The following ENOX1 variants were observed in gnomAD, a reference collection of about 807,000 sequenced individuals.
ENOX1 encodes candidate growth-related and time keeping constitutive hydroquinone (NADH) oxidase.
Under a neutral mutation model 82.5 loss-of-function variants are expected in ENOX1, and 42 were observed. That is an observed-to-expected ratio of 0.51 (90% CI 0.40 to 0.66). ENOX1 has a LOEUF of 0.66. Ranked by LOEUF, ENOX1 falls within the 30% of genes least tolerant of loss-of-function variation. The pLI is 0.00. For missense variants in ENOX1, 608 were observed against 811.6 expected (o/e 0.75, Z 3.05); for synonymous variants, 271 against 282.2 (o/e 0.96, Z 0.40).
intron 12 of ENOX1, among the ~76,000 whole-genome samples, chr13:43,288,240 G>A (rs541398258): frequency 4.4e-4 from 67 of 152,314 alleles, no homozygotes; most frequent in South Asian, 1.9e-3. Flanking sequence ...TTTTAAAGCC[G>A]TGTAATCTGA....
At chr13:43,722,139 T>C (rs1165016940) in intron 1 of ENOX1, among the ~76,000 whole-genome samples, 1 of 152,224 alleles carries the variant, frequency 6.6e-6, no homozygotes, top group East Asian at 1.9e-4. Context: ...GTGTTCTTTT[T>C]TGCAAAATAG....
intron 3 of ENOX1, among the ~76,000 whole-genome samples, chr13:43,475,788 A>C (rs1593391103): frequency 9.6e-6 from 1 of 104,466 alleles, no homozygotes; most frequent in African/African-American, 3.6e-5. Flanking sequence ...CAAAAACATA[A>C]CTGACCAAAA....
At chr13:43,740,070 G>A (rs1476069036) in intron 1 of ENOX1, among the ~76,000 whole-genome samples, 1 of 152,048 alleles carries the variant, frequency 6.6e-6, no homozygotes, top group Non-Finnish European at 1.5e-5. Flanking sequence ...CAAGTGGTCG[G>A]TGCCCCTAAC....
At chr13:43,597,403 TCTGA>T (rs1450728100) in intron 2 of ENOX1, among the ~76,000 whole-genome samples, 1 of 152,084 alleles carries the variant, frequency 6.6e-6, no homozygotes, top group Admixed American at 6.6e-5. Context: ...AAACATCAGG[TCTGA>T]CTGACTTCTA....
At chr13:43,318,393 C>G (rs113322715) in intron 11 of ENOX1, among the ~76,000 whole-genome samples, 2 of 152,240 alleles carry the variant, frequency 1.3e-5, no homozygotes, top group African/African-American at 4.8e-5. Context: ...GAACTGGGTA[C>G]CCTGTATCTA....
chr13:43,431,798 G>C (rs2153614038), intron 3 of ENOX1, among the ~76,000 whole-genome samples: 1 of 152,066 alleles, frequency 6.6e-6, no homozygotes, highest in South Asian at 2.1e-4. Flanking sequence ...ACATTGGAGG[G>C]ATCTCCCCTC....
At chr13:43,234,835 T>C (rs1241076043) in intron 15 of ENOX1, among the ~76,000 whole-genome samples, 1 of 152,224 alleles carries the variant, frequency 6.6e-6, no homozygotes, top group East Asian at 1.9e-4. Context: ...TATACATATA[T>C]AAATAAAACC....
intron 2 of ENOX1, among the ~76,000 whole-genome samples, chr13:43,659,846 G>C (rs528894646): frequency 1.3e-5 from 2 of 152,304 alleles, no homozygotes; most frequent in African/African-American, 4.8e-5. Context: ...GCAGAGAACA[G>C]AAGGTATTGT....
Position 43,262,119 on chromosome 13 carries a change from C to T in ENOX1, c.1611+3279G>A, listed in dbSNP as rs568864362. Among the ~76,000 whole-genome samples the T allele has an allele frequency of 3.9e-5, 6 of 152,206 alleles. No individual in the cohort carries two copies. The East Asian group carries it at 1.2e-3, about 29-fold the overall frequency. ...ATTTATTTATTCATTTATTTATGGGCTTTTCCCTCTGGTCATATACATGAC... is the reference window on the plus strand; with the variant it reads ...ATTTATTTATTCATTTATTTATGGGTTTTTCCCTCTGGTCATATACATGAC... On this transcript the variant is annotated intron_variant, in intron 14 of 16. Coordinates refer to ENST00000690772, the MANE Select transcript of ENOX1 (RefSeq NM_001347969.2).
chr13:43,248,110 C>T (rs926518000), intron 14 of ENOX1, among the ~76,000 whole-genome samples: 3 of 150,956 alleles, frequency 2.0e-5, no homozygotes, highest in South Asian at 2.1e-4. Context: ...TGGTCTCGAT[C>T]TCCTGACCTC....
chr13:43,401,028 A>C (rs190414980), intron 5 of ENOX1, among the ~76,000 whole-genome samples: 11 of 152,196 alleles, frequency 7.2e-5, no homozygotes, highest in Admixed American at 1.3e-4. Flanking sequence ...CTCATCTATA[A>C]AATGGGGTTA....
chr13:43,647,425 C>G (rs1316062021), intron 2 of ENOX1, among the ~76,000 whole-genome samples: 1 of 152,192 alleles, frequency 6.6e-6, no homozygotes, highest in Non-Finnish European at 1.5e-5. Flanking sequence ...GATTGTCAGG[C>G]TTGGTTAGGA....
chr13:43,739,405 C>T lies in ENOX1; in HGVS notation c.-285+47247G>A, dbSNP rs867296685. 1.5e-4 allele frequency among the ~76,000 whole-genome samples: 23 copies of T among 151,924 alleles called. No individual in the cohort carries two copies. The Middle Eastern group carries it at 0.021, about 136-fold the overall frequency. Reference sequence around the variant, plus strand: ...TCTACTAAAAACGCAAAGAACTAGCCGGGCATGGTGGCATGCGCCTGTAGT... The same window carrying T: ...TCTACTAAAAACGCAAAGAACTAGCTGGGCATGGTGGCATGCGCCTGTAGT... On this transcript the variant is annotated intron_variant, in intron 1 of 16. Transcript: ENST00000690772.
At chr13:43,335,768 C>CAAAAAAAAA (rs386378967) in intron 9 of ENOX1, among the ~76,000 whole-genome samples, 2 of 116,924 alleles carry the variant, frequency 1.7e-5, no homozygotes, top group East Asian at 2.2e-4. Flanking sequence ...GGAAGGATAC[C>CAAAAAAAAA]AAAAAAAAAA....
intron 2 of ENOX1, among the ~76,000 whole-genome samples, chr13:43,497,025 T>C (rs1360292274): frequency 4.6e-5 from 7 of 152,170 alleles, no homozygotes; most frequent in African/African-American, 1.7e-4. Context: ...AATCTTAATA[T>C]AGAGTCTTCC....
intron 1 of ENOX1, among the ~76,000 whole-genome samples, chr13:43,706,644 TA>T: frequency 6.7e-6 from 1 of 148,322 alleles, no homozygotes; most frequent in East Asian, 2.0e-4. Flanking sequence ...TGGGTAAAAA[TA>T]AAAACTATGA....
intron 1 of ENOX1, among the ~76,000 whole-genome samples, chr13:43,762,761 T>C (rs752679075): frequency 2.0e-5 from 3 of 152,236 alleles, no homozygotes; most frequent in Non-Finnish European, 4.4e-5. Context: ...ATGCTTAGTC[T>C]ACCTAAAGTC....
chr13:43,691,956 T>A (rs1000734701), intron 1 of ENOX1, among the ~76,000 whole-genome samples: 2 of 152,124 alleles, frequency 1.3e-5, no homozygotes, highest in Non-Finnish European at 2.9e-5. Flanking sequence ...CACCTCAGCC[T>A]CCCAAAGTGC....
At chr13:43,785,596 G>A (rs918683086) in intron 1 of ENOX1, among the ~76,000 whole-genome samples, 1 of 152,296 alleles carries the variant, frequency 6.6e-6, no homozygotes, top group Middle Eastern at 3.4e-3. Context: ...AAGATTGAGG[G>A]AGAGAAAAGG....
Sources: gnomAD v4.1 joint callset for allele counts (sites outside exome capture counted in the v4.1 genomes callset) on GRCh38, gnomAD v4.1.1 for gene constraint, MANE v1.5 for transcripts, NCBI Gene and HGNC (gene_info 2026-07-23, HGNC 2026-07-21) for gene names.